ETS1: variants seen among roughly 807,000 people sequenced by gnomAD.
ETS1 encodes the protein protein C-ets-1.
In ETS1, 15 loss-of-function variants were observed where a neutral mutation model predicts 58.6. The observed-to-expected ratio is 0.26, with a 90% CI of 0.17 to 0.39. The LOEUF (loss-of-function observed/expected upper bound fraction) is 0.39. ETS1 is among the 10% of genes least tolerant of loss of function. ETS1 has a pLI of 1.00. For synonymous variants in ETS1, 214 were observed against 218.2 expected, an observed-to-expected ratio of 0.98 and a Z score of 0.17; for missense variants, 417 against 610.5, an observed-to-expected ratio of 0.68 and a Z score of 3.34.
intron 3 of ETS1, among the ~76,000 whole-genome samples, chr11:128,495,113 CA>C (rs1862903766): frequency 1.3e-5 from 2 of 152,170 alleles, no homozygotes; most frequent in African/African-American, 4.8e-5. Context: ...AAAGGTATCA[CA>C]AGGTCCCCAT....
Position 128,556,325 on chromosome 11 carries a change from C to T in ETS1, c.180G>A (p.Gln60=). The change falls in exon 3 of 10, where the codon CAG becomes CAA. Residue 60 remains glutamine (Q), a synonymous_variant. Transcript: ENST00000392668. The part of the protein sequence containing the change: ...CYPFWDEMAT[Q]EVPTGLEHCV... ...AGTGTTCAAGACCAGTAGGAACTTC[C>T]TGAGTTGCCATCTCATCCCAAAAGG... is the stretch of plus-strand genomic sequence containing the variant. The T allele has an allele frequency of 6.2e-7, 1 of 1,613,496 alleles. No individual in the cohort carries two copies.
intron 1 of ETS1, among the ~76,000 whole-genome samples, chr11:128,581,952 T>G (rs995420421): frequency 2.0e-5 from 3 of 152,198 alleles, no homozygotes; most frequent in East Asian, 1.9e-4. Context: ...CTGCCTTAGA[T>G]CTCTCAAATC....
intron 1 of ETS1, among the ~76,000 whole-genome samples, chr11:128,585,316 GAAGGAAGGAAGGAAGC>G (rs765180229): frequency 0.072 from 890 of 12,376 alleles, 13 homozygotes; most frequent in Non-Finnish European, 0.1. Context: ...AGGGAGGGAA[GAAGGAAGGAAGGAAGC>G]AAGGAAGGAA....
intron 7 of ETS1, among the ~76,000 whole-genome samples, chr11:128,483,736 ATGATTC>A (rs891670790): frequency 4.6e-5 from 7 of 152,202 alleles, no homozygotes; most frequent in African/African-American, 1.7e-4. Context: ...GGCATGACCC[ATGATTC>A]TTCAAAGTAA....
chr11:128,515,278 G>A (rs1036172716), intron 3 of ETS1, among the ~76,000 whole-genome samples: 27 of 151,358 alleles, frequency 1.8e-4, no homozygotes, highest in African/African-American at 3.6e-4. Flanking sequence ...ACACACGCGC[G>A]CGTGCACACT....
intron 2 of ETS1, among the ~76,000 whole-genome samples, chr11:128,557,989 G>C (rs78621583): frequency 0.032 from 4,843 of 152,256 alleles, 113 homozygotes; most frequent in Non-Finnish European, 0.049. Context: ...AATAACAGAA[G>C]AGAATATATT....
At chr11:128,548,152 G>GAAGGGAAGGA (rs1565405277) in intron 3 of ETS1, among the ~76,000 whole-genome samples, 4 of 95,730 alleles carry the variant, frequency 4.2e-5, no homozygotes, top group East Asian at 6.2e-4. Context: ...GAAGGGAAGG[G>GAAGGGAAGGA]AAGGAAAGGA....
intron 2 of ETS1, among the ~76,000 whole-genome samples, chr11:128,565,058 A>AAATAAAT (rs374454292): frequency 4.2e-5 from 6 of 142,746 alleles, no homozygotes; most frequent in African/African-American, 1.6e-4. Context: ...ATAAATAAAT[A>AAATAAAT]AAATAAATGT....
intron 3 of ETS1, among the ~76,000 whole-genome samples, chr11:128,536,116 A>G (rs1401749924): frequency 6.6e-6 from 1 of 152,174 alleles, no homozygotes; most frequent in Non-Finnish European, 1.5e-5. Context: ...AAGAAGAGTA[A>G]TCTAAGACCT....
At chr11:128,576,680 C>G (rs140598254) in intron 1 of ETS1, among the ~76,000 whole-genome samples, 173 of 151,952 alleles carry the variant, frequency 1.1e-3, no homozygotes, top group Middle Eastern at 3.4e-3. Context: ...CTTGCTGTGC[C>G]CCCCCATGCT....
At chr11:128,574,116 C>T (rs11221357) in intron 1 of ETS1, among the ~76,000 whole-genome samples, 52,417 of 151,942 alleles carry the variant, frequency 0.34, 9,777 homozygotes, top group Non-Finnish European at 0.42. Flanking sequence ...ATCTTGATCC[C>T]TTTTTTCATA....
rs756820963 is a variant in ETS1, at chr11:128,556,360, G to A, written c.145C>T (p.Pro49Ser). Residue 49 changes from proline (P) to serine (S), a missense_variant, in exon 3 of 10, where the codon CCT (proline) becomes TCT (serine). Pro to Ser is a moderately conservative substitution (Grantham distance 74). Around this residue, in one of 4 missense-constraint regions of ETS1, gnomAD observed 90 missense variants for 90.3 expected, o/e 1.00. Transcript: ENST00000392668. ...GFQSNYHQQRPCYPFWDEMAT... is the reference protein window; with the variant it reads ...GFQSNYHQQRSCYPFWDEMAT... ...ATCTCATCCCAAAAGGGGTAGCAAGGTCTTTGCTGGTGATAATTGGACTGG... is the reference window on the plus strand; with the variant it reads ...ATCTCATCCCAAAAGGGGTAGCAAGATCTTTGCTGGTGATAATTGGACTGG... 2 of 1,613,298 alleles carry A rather than the reference G, an allele frequency of 1.2e-6. No individual in the cohort carries two copies.
chr11:128,493,008 T>C (rs1336546675), intron 3 of ETS1, among the ~76,000 whole-genome samples: 2 of 152,136 alleles, frequency 1.3e-5, no homozygotes, highest in Non-Finnish European at 2.9e-5. Flanking sequence ...TGGGTTTTGT[T>C]GTGTGTGTTT....
At chr11:128,478,192 C>G (rs1364106737) in intron 8 of ETS1, among the ~76,000 whole-genome samples, 1 of 151,980 alleles carries the variant, frequency 6.6e-6, no homozygotes, top group Non-Finnish European at 1.5e-5. Flanking sequence ...TAATCACCAC[C>G]CCTTCTCTTC....
At chr11:128,550,604 G>A (rs930796656) in intron 3 of ETS1, among the ~76,000 whole-genome samples, 1 of 152,182 alleles carries the variant, frequency 6.6e-6, no homozygotes, top group Admixed American at 6.5e-5. Flanking sequence ...TCCTGCATCA[G>A]GCTTCTCTCA....
At chr11:128,501,152 T>C (rs750617926) in intron 3 of ETS1, among the ~76,000 whole-genome samples, 3 of 152,180 alleles carry the variant, frequency 2.0e-5, no homozygotes, top group Non-Finnish European at 1.5e-5. Context: ...CCTTCAACCA[T>C]TCATGTTGGC....
chr11:128,541,761 A>T (rs572308028), intron 3 of ETS1, among the ~76,000 whole-genome samples: 1 of 152,338 alleles, frequency 6.6e-6, no homozygotes, highest in South Asian at 2.1e-4. Context: ...GCTAGGTACT[A>T]GAAACATGAC....
intron 2 of ETS1, among the ~76,000 whole-genome samples, chr11:128,565,839 A>G (rs1420792100): frequency 6.6e-6 from 1 of 152,178 alleles, no homozygotes; most frequent in African/African-American, 2.4e-5. Context: ...GAGAGAAGGA[A>G]AGGGTGTCTT....
rs897724406 is a variant in ETS1 at position 128,584,597 on chromosome 11, A to C, written c.-15+2891T>G. 3.3e-5 allele frequency among the ~76,000 whole-genome samples: 5 copies of C among 152,212 alleles called. No homozygotes were observed. In the East Asian group the frequency reaches 7.7e-4, roughly 23 times the overall value. ...AGGGCTGAGTATTCCTCCTTAGGTG[A>C]AATGAAGAAGAATGGATATGATAAC... On this transcript the variant is annotated intron_variant, in intron 1 of 9. Transcript: ENST00000392668.
Sources: gnomAD v4.1 joint callset for allele counts (sites outside exome capture counted in the v4.1 genomes callset) on GRCh38, gnomAD v4.1.1 for gene constraint, gnomAD v4.1.1 regional missense constraint, MANE v1.5 for transcripts, NCBI Gene and HGNC (gene_info 2026-07-23, HGNC 2026-07-21) for gene names.